COX7B2: variants seen among roughly 807,000 people sequenced by gnomAD.
COX7B2 encodes cytochrome c oxidase subunit 7B2, also known as cytochrome c oxidase subunit 7B2, mitochondrial.
For missense variants in COX7B2, 109 were observed against 95.9 expected (o/e 1.14, Z -0.57); for synonymous variants, 37 against 32.1 (o/e 1.15, Z -0.51).
intron 2 of COX7B2, among the ~76,000 whole-genome samples, chr4:46,812,534 C>A (rs1471047933): frequency 6.6e-6 from 1 of 152,058 alleles, no homozygotes; most frequent in African/African-American, 2.4e-5. Flanking sequence ...ATAGGAGTAT[C>A]CCAGACTTTA....
chr4:46,836,435 T>A (rs1330205424), intron 2 of COX7B2, among the ~76,000 whole-genome samples: 1 of 152,002 alleles, frequency 6.6e-6, no homozygotes, highest in East Asian at 1.9e-4. Flanking sequence ...AGAGTTAGGA[T>A]CATCAATATT....
chr4:46,888,065 G>T (rs1373870519), intron 1 of COX7B2, among the ~76,000 whole-genome samples: 4 of 152,194 alleles, frequency 2.6e-5, no homozygotes, highest in Non-Finnish European at 5.9e-5. Context: ...ACATTTCACA[G>T]TGATGATCAC....
At chr4:46,834,933 T>G (rs1190876543) in intron 2 of COX7B2, among the ~76,000 whole-genome samples, 1 of 151,888 alleles carries the variant, frequency 6.6e-6, no homozygotes, top group Non-Finnish European at 1.5e-5. Context: ...TCTCCAAACT[T>G]CAAAACAAAA....
At chr4:46,777,860 G>C (rs968946802) in intron 2 of COX7B2, among the ~76,000 whole-genome samples, 1 of 152,084 alleles carries the variant, frequency 6.6e-6, no homozygotes, top group African/African-American at 2.4e-5. Context: ...TAACACTGGT[G>C]CTTACTTCAT....
chr4:46,781,669 A>C (rs1428577688), intron 2 of COX7B2, among the ~76,000 whole-genome samples: 2 of 152,056 alleles, frequency 1.3e-5, no homozygotes, highest in East Asian at 3.9e-4. Flanking sequence ...GCTTGCCAGG[A>C]GGTGTGGAAG....
chr4:46,831,689 G>A (rs1372460784), intron 2 of COX7B2, among the ~76,000 whole-genome samples: 1 of 152,146 alleles, frequency 6.6e-6, no homozygotes, highest in Non-Finnish European at 1.5e-5. Context: ...GGGACTTGGA[G>A]AATCTTTATG....
chr4:46,780,283 C>T (rs979952705), intron 2 of COX7B2, among the ~76,000 whole-genome samples: 4 of 151,988 alleles, frequency 2.6e-5, no homozygotes, highest in South Asian at 2.1e-4. Flanking sequence ...TTTGGGAGGC[C>T]GAAGCAGGTG....
At chr4:46,771,407 ACT>A in intron 2 of COX7B2, among the ~76,000 whole-genome samples, 1 of 152,082 alleles carries the variant, frequency 6.6e-6, no homozygotes, top group Admixed American at 6.6e-5. Context: ...CACTATGGAG[ACT>A]CTACATAAAA....
At chr4:46,816,997 A>G (rs907096131) in intron 2 of COX7B2, among the ~76,000 whole-genome samples, 4 of 152,192 alleles carry the variant, frequency 2.6e-5, no homozygotes, top group Admixed American at 1.3e-4. Context: ...GAGTGATTCT[A>G]TCTTAGCTCA....
chr4:46,792,985 A>C (rs757191645), intron 2 of COX7B2, among the ~76,000 whole-genome samples: 10 of 152,212 alleles, frequency 6.6e-5, no homozygotes, highest in Admixed American at 3.3e-4. Context: ...AGTTCCAACC[A>C]CAAGCAAGAT....
intron 2 of COX7B2, among the ~76,000 whole-genome samples, chr4:46,800,166 C>T (rs956424903): frequency 1.3e-5 from 2 of 151,720 alleles, no homozygotes. Flanking sequence ...TAAATAGAAT[C>T]AATATCATTA....
chr4:46,744,014 A>G (rs1714868406), intron 2 of COX7B2, among the ~76,000 whole-genome samples: 1 of 152,200 alleles, frequency 6.6e-6, no homozygotes, highest in South Asian at 2.1e-4. Flanking sequence ...AATGAACTCT[A>G]GCCTTCATTA....
intron 2 of COX7B2, among the ~76,000 whole-genome samples, chr4:46,796,493 G>T (rs1303723258): frequency 1.6e-5 from 2 of 126,762 alleles, no homozygotes. Flanking sequence ...CACTGTTGGT[G>T]GGACTGTAAA....
chr4:46,818,490 A>C (rs1312155950), intron 2 of COX7B2, among the ~76,000 whole-genome samples: 3 of 152,050 alleles, frequency 2.0e-5, no homozygotes, highest in Non-Finnish European at 4.4e-5. Context: ...CAAAAAAATT[A>C]GCTGGGTGTG....
intron 2 of COX7B2, among the ~76,000 whole-genome samples, chr4:46,817,869 TC>T (rs1231030906): frequency 6.6e-6 from 1 of 152,186 alleles, no homozygotes; most frequent in Non-Finnish European, 1.5e-5. Flanking sequence ...AGCATGTTTT[TC>T]CCTCAGCTTC....
chr4:46,831,927 A>G (rs1267304731), intron 2 of COX7B2, among the ~76,000 whole-genome samples: 1 of 152,182 alleles, frequency 6.6e-6, no homozygotes, highest in Non-Finnish European at 1.5e-5. Flanking sequence ...AAATACACCA[A>G]TCAGCACAGC....
chr4:46,890,693 C>T (rs191212869), intron 1 of COX7B2, among the ~76,000 whole-genome samples: 244 of 152,218 alleles, frequency 1.6e-3, no homozygotes, highest in Middle Eastern at 3.4e-3. Flanking sequence ...GCATTCTGGA[C>T]AGAGGGACTA....
intron 2 of COX7B2, among the ~76,000 whole-genome samples, chr4:46,745,451 TC>T (rs1714964843): frequency 6.6e-6 from 1 of 152,230 alleles, no homozygotes; most frequent in Non-Finnish European, 1.5e-5. Flanking sequence ...AGTATAATTT[TC>T]TTTTTTTCAC....
intron 2 of COX7B2, among the ~76,000 whole-genome samples, chr4:46,843,896 T>C (rs570422502): frequency 5.3e-4 from 81 of 152,018 alleles, no homozygotes; most frequent in Non-Finnish European, 1.0e-3. Flanking sequence ...ACAGGTACTT[T>C]GCTGCCAATT....
Sources: gnomAD v4.1 joint callset for allele counts (sites outside exome capture counted in the v4.1 genomes callset) on GRCh38, gnomAD v4.1.1 for gene constraint, MANE v1.5 for transcripts, NCBI Gene and HGNC (gene_info 2026-07-23, HGNC 2026-07-21) for gene names.